SDHAF4: variants seen among roughly 807,000 people sequenced by gnomAD.
The protein encoded by SDHAF4 is succinate dehydrogenase assembly factor 4, mitochondrial.
In SDHAF4, 14 loss-of-function variants were observed where a neutral mutation model predicts 14.3. The ratio of observed to expected loss-of-function variants is 0.98; its 90% CI spans 0.65 to 1.53. The LOEUF is 1.53. Ranked by LOEUF, SDHAF4 falls within the 40% of genes most tolerant of loss-of-function variation. The pLI is 0.00. For missense variants in SDHAF4, 141 were observed against 129.3 expected, an observed-to-expected ratio of 1.09 and a Z score of -0.44; for synonymous variants, 63 against 47.3, an observed-to-expected ratio of 1.33 and a Z score of -1.36.
chr6:70,566,968 C>G lies in SDHAF4; in HGVS notation c.28C>G (p.Leu10Val). MTPSRLPWL[L>V]SWVSATAWRA... ...GACCCCATCGAGGCTTCCCTGGTTGCTTAGCTGGGTCTCGGCCACGGCGTG... is the reference window on the plus strand; with the variant it reads ...GACCCCATCGAGGCTTCCCTGGTTGGTTAGCTGGGTCTCGGCCACGGCGTG... Residue 10 changes from leucine to valine, a missense_variant, in exon 1 of 3, where the codon CTT becomes GTT. By Grantham distance (32) the Leu-to-Val change is conservative. Transcript: ENST00000370474. 4 of 1,592,928 alleles carry G rather than the reference C, an allele frequency of 2.5e-6. No homozygotes were observed. The highest frequency in any genetic ancestry group is 1.1e-5 in the South Asian group (1 of 87,412).
chr6:70,584,629 G>T (rs544083944), intron 2 of SDHAF4, among the ~76,000 whole-genome samples: 1 of 152,266 alleles, frequency 6.6e-6, no homozygotes, highest in South Asian at 2.1e-4. Context: ...TCAGAAAACT[G>T]CAGGCTATTA....
At position 70,588,842 on chromosome 6, in the gene SDHAF4, A is replaced by AATAT; in HGVS notation, c.*129_*132dup. The AATAT allele has an allele frequency of 7.7e-5, 26 of 339,176 alleles. No individual in the cohort carries two copies. Among genetic ancestry groups the AATAT allele is most frequent in the Non-Finnish European group, 1.2e-4 (22 of 181,958 alleles). 21.0% of individuals were successfully genotyped at this position (339,176 alleles called of 1,614,324 possible). On this transcript the variant is annotated 3_prime_UTR_variant, in exon 3 of 3. Coordinates refer to ENST00000370474, the MANE Select transcript of SDHAF4 (RefSeq NM_145267.3). ...TCGTGTAGTTTGTATAATGTGTTTAAATATATATATATATGATGGCTTTGG... is the reference window on the plus strand; with the variant it reads ...TCGTGTAGTTTGTATAATGTGTTTAAATATATATATATATATATGATGGCTTTGG...
intron 2 of SDHAF4, among the ~76,000 whole-genome samples, chr6:70,586,614 A>C (rs1466197510): frequency 6.6e-6 from 1 of 151,546 alleles, no homozygotes; most frequent in Non-Finnish European, 1.5e-5. Flanking sequence ...TGAGGATGAG[A>C]ATAAATCTCT....
intron 1 of SDHAF4, among the ~76,000 whole-genome samples, chr6:70,574,692 T>G (rs939262947): frequency 5.3e-5 from 8 of 152,022 alleles, no homozygotes; most frequent in African/African-American, 1.9e-4. Flanking sequence ...TCCCAGCACT[T>G]TGGGAGGCAA....
chr6:70,585,917 C>G (rs961906783), intron 2 of SDHAF4, among the ~76,000 whole-genome samples: 1 of 152,116 alleles, frequency 6.6e-6, no homozygotes, highest in Non-Finnish European at 1.5e-5. Context: ...TTTCCCCGTG[C>G]TATGCAGGAT....
rs1255910621 is a variant in SDHAF4, at chr6:70,575,188, G to A, written c.65-4226G>A. Among the ~76,000 whole-genome samples, 2 of 152,298 alleles carry A rather than the reference G, an allele frequency of 1.3e-5. 1 individual carries two copies. Among genetic ancestry groups the A allele is most frequent in the Non-Finnish European group, 2.9e-5 (2 of 68,032 alleles). ...AGGTCAGGAGTTCGATACAAGCCTG[G>A]CCAACATGGCGAAACCCTATCTCTA... On this transcript the variant is annotated intron_variant, in intron 1 of 2. Coordinates refer to ENST00000370474, the MANE Select transcript of SDHAF4 (RefSeq NM_145267.3).
intron 2 of SDHAF4, among the ~76,000 whole-genome samples, chr6:70,583,062 C>G (rs1474030547): frequency 1.3e-5 from 2 of 152,194 alleles, no homozygotes. Context: ...ACAAAAAGAT[C>G]AGAGGAAAGT....
At chr6:70,582,220 C>T (rs1765140115) in intron 2 of SDHAF4, among the ~76,000 whole-genome samples, 1 of 151,962 alleles carries the variant, frequency 6.6e-6, no homozygotes, top group Non-Finnish European at 1.5e-5. Flanking sequence ...CACCACCACA[C>T]CTGGCTAATT....
At chr6:70,571,149 A>G (rs1802173252) in intron 1 of SDHAF4, among the ~76,000 whole-genome samples, 1 of 151,860 alleles carries the variant, frequency 6.6e-6, no homozygotes, top group South Asian at 2.1e-4. Context: ...ATAAATCTTG[A>G]AGTTTACTTA....
chr6:70,593,196 C>A (rs1765274435), downstream of SDHAF4, among the ~76,000 whole-genome samples: 1 of 152,244 alleles, frequency 6.6e-6, no homozygotes, highest in Non-Finnish European at 1.5e-5. Flanking sequence ...CTCATGCCCC[C>A]ACTCCAGAGG....
chr6:70,585,622 T>C (rs1030596843), intron 2 of SDHAF4, among the ~76,000 whole-genome samples: 1 of 152,142 alleles, frequency 6.6e-6, no homozygotes, highest in East Asian at 1.9e-4. Flanking sequence ...CACAGAGATA[T>C]GTGAGAAAGA....
chr6:70,596,606 A>AT, the SDHAF4 span: 1 of 152,166 alleles, frequency 6.6e-6, no homozygotes, highest in Non-Finnish European at 1.5e-5. Flanking sequence ...AATGCTTGTT[A>AT]TTTTTTTAGT....
the SDHAF4 span, among the ~76,000 whole-genome samples, chr6:70,597,839 T>C: frequency 6.6e-6 from 1 of 152,122 alleles, no homozygotes; most frequent in Non-Finnish European, 1.5e-5. Flanking sequence ...AAAACTAAGA[T>C]TCCTGGTTAT....
intron 1 of SDHAF4, among the ~76,000 whole-genome samples, chr6:70,574,249 G>C (rs1426704979): frequency 6.6e-6 from 1 of 152,006 alleles, no homozygotes; most frequent in South Asian, 2.1e-4. Context: ...GATCCCGGGA[G>C]GTGGAGGTTG....
chr6:70,590,562 T>A (rs1269735951), downstream of SDHAF4, among the ~76,000 whole-genome samples: 2 of 152,192 alleles, frequency 1.3e-5, no homozygotes, highest in Non-Finnish European at 2.9e-5. Context: ...GTCCAGTCAG[T>A]CTTAGCCAAC....
At chr6:70,587,244 C>T (rs1220708997) in intron 2 of SDHAF4, among the ~76,000 whole-genome samples, 2 of 151,788 alleles carry the variant, frequency 1.3e-5, no homozygotes, top group Non-Finnish European at 2.9e-5. Context: ...AATCCCAGCA[C>T]TTTGGGAGGC....
chr6:70,579,510 C>T lies in SDHAF4; in HGVS notation c.161C>T (p.Pro54Leu). Reference protein sequence around the residue: ...VKQSLKKPKLPEGRFDAPEDS... With the variant: ...VKQSLKKPKLLEGRFDAPEDS... Reference sequence around the variant, plus strand: ...CAGTCCCTTAAGAAGCCGAAGTTACCAGAAGGTCGTTTTGATGCACCAGAG... The same window carrying T: ...CAGTCCCTTAAGAAGCCGAAGTTACTAGAAGGTCGTTTTGATGCACCAGAG... The change falls in exon 2 of 3, where the codon CCA (proline) becomes CTA (leucine). Residue 54 changes from proline to leucine, a missense_variant. Coordinates refer to ENST00000370474, the MANE Select transcript of SDHAF4 (RefSeq NM_145267.3). 1.2e-6 allele frequency: 2 copies of T among 1,611,112 alleles called. No homozygotes were observed. The highest frequency in any genetic ancestry group is 8.5e-7 in the Non-Finnish European group (1 of 1,178,456).
In SDHAF4 at chr6:70,588,680, C is replaced by T. The variant is rs753306919; in HGVS notation, c.283C>T (p.Arg95Ter). The T allele has an allele frequency of 8.7e-6, 14 of 1,604,884 alleles. No individual in the cohort carries two copies. The highest frequency in any genetic ancestry group is 4.5e-5 in the East Asian group (2 of 44,828). Residue 95 changes from arginine to a stop codon, truncating the protein, a stop_gained, in exon 3 of 3, where the codon CGA becomes TGA. Coordinates refer to ENST00000370474, the MANE Select transcript of SDHAF4 (RefSeq NM_145267.3). LOFTEE classifies it high-confidence loss of function. ...KGGPRGPEPT[R>*]YGDWERKGRC... ...TGGACCCAGGGGCCCAGAACCTACCCGATATGGAGATTGGGAACGAAAAGG... is the reference window on the plus strand; with the variant it reads ...TGGACCCAGGGGCCCAGAACCTACCTGATATGGAGATTGGGAACGAAAAGG...
the SDHAF4 span, among the ~76,000 whole-genome samples, chr6:70,595,849 A>G: frequency 5.7e-5 from 7 of 123,688 alleles, no homozygotes; most frequent in South Asian, 1.1e-3. Context: ...AAAAAAAAAA[A>G]AAAGAAAAGA....
Sources: allele counts gnomAD v4.1 joint callset (sites outside exome capture counted in the v4.1 genomes callset), GRCh38; gene constraint gnomAD v4.1.1; transcripts MANE v1.5; gene names NCBI Gene and HGNC (gene_info 2026-07-23, HGNC 2026-07-21).